The following CDH20 variants were observed in gnomAD, a reference collection of about 807,000 sequenced individuals.
The protein encoded by CDH20 is cadherin-20.
In CDH20, 29 loss-of-function variants were observed where a neutral mutation model predicts 74.2. The observed-to-expected ratio is 0.39, with a 90% CI of 0.29 to 0.53. The LOEUF (loss-of-function observed/expected upper bound fraction) is 0.53, where lower values mean the gene tolerates loss of function less well. Among genes scored for constraint, CDH20 ranks in the 20% least tolerant of loss-of-function variants. The pLI, the probability that CDH20 is intolerant of heterozygous loss-of-function variation, is 0.69. For missense variants in CDH20, 988 were observed against 1,048.3 expected (o/e 0.94, Z 0.79); for synonymous variants, 469 against 405.4 (o/e 1.16, Z -1.88).
At chr18:61,475,504 T>A (rs1216666857) in intron 1 of CDH20, among the ~76,000 whole-genome samples, 1 of 152,238 alleles carries the variant, frequency 6.6e-6, no homozygotes, top group Non-Finnish European at 1.5e-5. Flanking sequence ...TTATTCATCA[T>A]CACTCTGTTT....
intron 1 of CDH20, among the ~76,000 whole-genome samples, chr18:61,430,624 G>A: frequency 6.6e-6 from 1 of 152,112 alleles, no homozygotes; most frequent in Non-Finnish European, 1.5e-5. Flanking sequence ...TCCCTTCTCT[G>A]CCATTTAATT....
intron 1 of CDH20, among the ~76,000 whole-genome samples, chr18:61,413,171 TC>T (rs2144253919): frequency 6.6e-6 from 1 of 152,274 alleles, no homozygotes; most frequent in South Asian, 2.1e-4. Context: ...CTTCAAAGCA[TC>T]CACTGTACCA....
intron 1 of CDH20, among the ~76,000 whole-genome samples, chr18:61,397,973 C>T (rs377526307): frequency 5.9e-5 from 9 of 152,164 alleles, no homozygotes; most frequent in South Asian, 2.1e-4. Flanking sequence ...AATGAATGAA[C>T]GCTACAACTC....
intron 9 of CDH20, among the ~76,000 whole-genome samples, chr18:61,540,921 C>T (rs1431461931): frequency 6.6e-6 from 1 of 152,212 alleles, no homozygotes; most frequent in African/African-American, 2.4e-5. Flanking sequence ...CTAAATTTAT[C>T]TAACAATCCT....
At chr18:61,415,012 C>A (rs1912638622) in intron 1 of CDH20, among the ~76,000 whole-genome samples, 1 of 152,004 alleles carries the variant, frequency 6.6e-6, no homozygotes, top group Admixed American at 6.6e-5. Flanking sequence ...GGAAAAATAT[C>A]AACATGTATA....
At chr18:61,461,331 A>T (rs1351182892) in intron 1 of CDH20, among the ~76,000 whole-genome samples, 1 of 95,630 alleles carries the variant, frequency 1.0e-5, no homozygotes, top group African/African-American at 7.6e-5. Flanking sequence ...GGTGACTTAA[A>T]AAAAAAAAAA....
In CDH20 at chr18:61,523,967, G is replaced by A. The variant is rs527832111; in HGVS notation, c.1018-4000G>A. ...AGGAGAAATACCTAATGTAGATGACGAGTTGATAGGTGCAGCAAACCACCA... is the reference window on the plus strand; with the variant it reads ...AGGAGAAATACCTAATGTAGATGACAAGTTGATAGGTGCAGCAAACCACCA... On this transcript the variant is annotated intron_variant, in intron 6 of 11. Coordinates refer to ENST00000262717, the MANE Select transcript of CDH20 (RefSeq NM_031891.4). 1.5e-3 allele frequency among the ~76,000 whole-genome samples: 222 copies of A among 152,194 alleles called. 1 individual carries two copies. The highest frequency in any genetic ancestry group is 5.2e-3 in the African/African-American group (216 of 41,530).
chr18:61,376,542 T>C (rs967148173), intron 1 of CDH20, among the ~76,000 whole-genome samples: 1 of 152,164 alleles, frequency 6.6e-6, no homozygotes, highest in African/African-American at 2.4e-5. Flanking sequence ...ATTGGACTTA[T>C]CATTAGTTAT....
chr18:61,374,177 C>A (rs1337698479), intron 1 of CDH20, among the ~76,000 whole-genome samples: 1 of 152,098 alleles, frequency 6.6e-6, no homozygotes, highest in East Asian at 1.9e-4. Flanking sequence ...TATACCCAGT[C>A]TCCATCATTA....
At chr18:61,423,380 T>C (rs1382031280) in intron 1 of CDH20, among the ~76,000 whole-genome samples, 2 of 147,304 alleles carry the variant, frequency 1.4e-5, no homozygotes, top group Non-Finnish European at 3.1e-5. Context: ...TGAGGACTCA[T>C]GCCTTCTTGT....
intron 1 of CDH20, among the ~76,000 whole-genome samples, chr18:61,344,096 C>G (rs1029747455): frequency 1.3e-5 from 2 of 152,182 alleles, no homozygotes; most frequent in African/African-American, 2.4e-5. Flanking sequence ...GTAAACTACT[C>G]TGTGTAATTT....
At chr18:61,363,614 C>T (rs1448560698) in intron 1 of CDH20, among the ~76,000 whole-genome samples, 1 of 152,116 alleles carries the variant, frequency 6.6e-6, no homozygotes, top group Admixed American at 6.5e-5. Context: ...GAGAGAGTGT[C>T]AACCTTGAAT....
intron 6 of CDH20, among the ~76,000 whole-genome samples, chr18:61,511,070 T>C (rs1346752794): frequency 4.7e-5 from 7 of 148,054 alleles, no homozygotes; most frequent in Non-Finnish European, 1.0e-4. Flanking sequence ...CACTGCAGCC[T>C]TGACCTCTTG....
chr18:61,429,523 T>C (rs936778062), intron 1 of CDH20, among the ~76,000 whole-genome samples: 1 of 152,204 alleles, frequency 6.6e-6, no homozygotes, highest in Admixed American at 6.5e-5. Flanking sequence ...CTCCCATGAC[T>C]TCAGCTCCGA....
At chr18:61,441,754 G>T (rs969480928) in intron 1 of CDH20, among the ~76,000 whole-genome samples, 2 of 152,008 alleles carry the variant, frequency 1.3e-5, no homozygotes, top group Admixed American at 1.3e-4. Flanking sequence ...TTTAGTAAAG[G>T]TTCTTTTTCA....
intron 6 of CDH20, among the ~76,000 whole-genome samples, chr18:61,515,241 C>T (rs1195628628): frequency 2.0e-5 from 3 of 152,126 alleles, no homozygotes; most frequent in South Asian, 2.1e-4. Flanking sequence ...GCGCAATATT[C>T]GGGTAGGAGT....
At chr18:61,499,529 T>TACACACAC (rs71338240) in intron 3 of CDH20, 49 bp downstream of exon 3, 3 of 1,046,282 alleles carry the variant, frequency 2.9e-6, no homozygotes, top group Non-Finnish European at 4.3e-6. Flanking sequence ...CCTATATATA[T>TACACACAC]ACACACACAC....
chr18:61,552,235 G>A (rs1913462369), intron 11 of CDH20, among the ~76,000 whole-genome samples: 1 of 150,122 alleles, frequency 6.7e-6, no homozygotes, highest in Admixed American at 6.6e-5. Context: ...TAAGCTCTAC[G>A]CACCGTGCCT....
chr18:61,346,972 C>T (rs1910132687), intron 1 of CDH20, among the ~76,000 whole-genome samples: 2 of 152,010 alleles, frequency 1.3e-5, no homozygotes. Flanking sequence ...CAGTGCTGGG[C>T]TTATCTTCTG....
Sources: gnomAD v4.1 joint callset for allele counts (sites outside exome capture counted in the v4.1 genomes callset) on GRCh38, gnomAD v4.1.1 for gene constraint, MANE v1.5 for transcripts, NCBI Gene and HGNC (gene_info 2026-07-23, HGNC 2026-07-21) for gene names.